The following CYP19A1 variants were observed in gnomAD, a reference collection of about 807,000 sequenced individuals.
CYP19A1 encodes aromatase.
Under a neutral mutation model 44.4 loss-of-function variants are expected in CYP19A1, and 32 were observed. The observed-to-expected ratio is 0.72, with a 90% CI of 0.54 to 0.97. CYP19A1 has a LOEUF of 0.97. Ranked by LOEUF, CYP19A1 falls within the 50% of genes least tolerant of loss-of-function variation. The probability of loss-of-function intolerance (pLI) is 0.00; values close to 1 mark genes in which losing one functional copy is unlikely to be tolerated. For synonymous variants in CYP19A1, 212 were observed against 215.6 expected (o/e 0.98, Z 0.14); for missense variants, 598 against 637.8 (o/e 0.94, Z 0.67).
At chr15:51,328,511 A>G (rs2036647930) in intron 1 of CYP19A1, among the ~76,000 whole-genome samples, 1 of 151,736 alleles carries the variant, frequency 6.6e-6, no homozygotes. Flanking sequence ...AATGGGTGGA[A>G]CCACCCTCAC....
intron 1 of CYP19A1, among the ~76,000 whole-genome samples, chr15:51,285,342 T>A (rs956396693): frequency 6.6e-6 from 1 of 152,210 alleles, no homozygotes; most frequent in Non-Finnish European, 1.5e-5. Context: ...CTAAGAACAA[T>A]GAAGTTGGAT....
chr15:51,235,963 A>G (rs28757176), intron 3 of CYP19A1, among the ~76,000 whole-genome samples: 5 of 152,250 alleles, frequency 3.3e-5, no homozygotes, highest in Admixed American at 3.3e-4. Context: ...GAAATACGCC[A>G]TCTTTGAAAT....
At chr15:51,284,604 G>A (rs1343108165) in intron 1 of CYP19A1, among the ~76,000 whole-genome samples, 1 of 152,164 alleles carries the variant, frequency 6.6e-6, no homozygotes, top group Non-Finnish European at 1.5e-5. Context: ...ATATCGACTT[G>A]GAGAAGGACC....
At chr15:51,248,318 T>C (rs887939315) in intron 1 of CYP19A1, among the ~76,000 whole-genome samples, 1 of 152,336 alleles carries the variant, frequency 6.6e-6, no homozygotes, top group Non-Finnish European at 1.5e-5. Flanking sequence ...CTGAACCAAC[T>C]GTCACAACCT....
chr15:51,267,022 A>C (rs1026814941), intron 1 of CYP19A1, among the ~76,000 whole-genome samples: 2 of 152,144 alleles, frequency 1.3e-5, no homozygotes, highest in African/African-American at 4.8e-5. Flanking sequence ...CCAGAAGAAA[A>C]TCTGAGGTGG....
At position 51,292,450 on chromosome 15, in the gene CYP19A1, C is replaced by T. The variant is rs117265614; in HGVS notation, c.-39+46045G>A. ...GCAATGGGATTGACCCAGCATGTGA[C>T]GACAAGGTGCCTTGTGGATCCCAAA... is the stretch of plus-strand genomic sequence containing the variant. On this transcript the variant is annotated intron_variant, in intron 1 of 9. Coordinates refer to ENST00000396402, the MANE Select transcript of CYP19A1 (RefSeq NM_000103.4). Among the ~76,000 whole-genome samples the T allele has an allele frequency of 4.0e-3, 606 of 152,318 alleles. 4 individuals are homozygous for T. The highest frequency in any genetic ancestry group is 5.5e-3 in the Non-Finnish European group (377 of 68,028).
chr15:51,304,571 G>A (rs8030862), intron 1 of CYP19A1, among the ~76,000 whole-genome samples: 23,446 of 152,098 alleles, frequency 0.15, 3,451 homozygotes, highest in African/African-American at 0.38. Context: ...TTTCCTTTAA[G>A]CTTTCTTCAT....
intron 1 of CYP19A1, among the ~76,000 whole-genome samples, chr15:51,278,484 T>C (rs2035405628): frequency 6.6e-6 from 1 of 152,218 alleles, no homozygotes; most frequent in South Asian, 2.1e-4. Context: ...CACACATAGA[T>C]ACCTGTCCCA....
chr15:51,240,437 G>C (rs1397888042), intron 2 of CYP19A1, among the ~76,000 whole-genome samples: 1 of 152,064 alleles, frequency 6.6e-6, no homozygotes, highest in Admixed American at 6.5e-5. Flanking sequence ...ACTCACTTAA[G>C]GGCTTTAAAT....
chr15:51,313,425 C>A (rs140447467), intron 1 of CYP19A1, among the ~76,000 whole-genome samples: 3 of 152,240 alleles, frequency 2.0e-5, no homozygotes, highest in African/African-American at 7.2e-5. Flanking sequence ...TGGCATGGAG[C>A]CTGCAGAAGG....
intron 1 of CYP19A1, among the ~76,000 whole-genome samples, chr15:51,271,763 C>A (rs2035135270): frequency 6.6e-6 from 1 of 152,206 alleles, no homozygotes; most frequent in Non-Finnish European, 1.5e-5. Context: ...TTGATTAGTC[C>A]AAGGATTTCC....
At chr15:51,323,435 A>T (rs1179746608) in intron 1 of CYP19A1, among the ~76,000 whole-genome samples, 1 of 152,194 alleles carries the variant, frequency 6.6e-6, no homozygotes, top group African/African-American at 2.4e-5. Flanking sequence ...ACGGAGATGG[A>T]ACTGTTTTAT....
At chr15:51,257,681 T>C (rs1430558604) in intron 1 of CYP19A1, among the ~76,000 whole-genome samples, 1 of 152,178 alleles carries the variant, frequency 6.6e-6, no homozygotes, top group East Asian at 1.9e-4. Context: ...CAGCGCTGCT[T>C]CCATTGCAAT....
intron 1 of CYP19A1, among the ~76,000 whole-genome samples, chr15:51,307,445 G>C (rs1348860090): frequency 3.3e-5 from 5 of 152,160 alleles, no homozygotes; most frequent in Non-Finnish European, 7.3e-5. Context: ...ATTTTAGTGT[G>C]CTTACTCTAA....
At chr15:51,315,314 A>G (rs554602429) in intron 1 of CYP19A1, among the ~76,000 whole-genome samples, 8 of 152,188 alleles carry the variant, frequency 5.3e-5, no homozygotes, top group South Asian at 2.1e-4. Context: ...CAGACCCCTC[A>G]TGGTGCATGC....
At chr15:51,274,003 TCACACACA>T (rs34082137) in intron 1 of CYP19A1, among the ~76,000 whole-genome samples, 10 of 149,880 alleles carry the variant, frequency 6.7e-5, no homozygotes, top group Non-Finnish European at 1.2e-4. Flanking sequence ...TGAAATTTTG[TCACACACA>T]CACACACACA....
At chr15:51,269,877 C>T (rs1021976779) in intron 1 of CYP19A1, among the ~76,000 whole-genome samples, 7 of 152,186 alleles carry the variant, frequency 4.6e-5, no homozygotes, top group Non-Finnish European at 8.8e-5. Flanking sequence ...GGCCTACTCC[C>T]GCTCCCTCCC....
At chr15:51,246,614 T>C (rs1455049557) in intron 1 of CYP19A1, among the ~76,000 whole-genome samples, 1 of 152,176 alleles carries the variant, frequency 6.6e-6, no homozygotes, top group African/African-American at 2.4e-5. Context: ...GGTGTCCTGA[T>C]GACCTGGGGG....
intron 1 of CYP19A1, among the ~76,000 whole-genome samples, chr15:51,274,556 A>G (rs1316147059): frequency 6.6e-6 from 1 of 152,208 alleles, no homozygotes; most frequent in East Asian, 1.9e-4. Context: ...ATCTGCCTAC[A>G]AATACCATCA....
Sources: allele counts gnomAD v4.1 joint callset (sites outside exome capture counted in the v4.1 genomes callset), GRCh38; gene constraint gnomAD v4.1.1; transcripts MANE v1.5; gene names NCBI Gene and HGNC (gene_info 2026-07-23, HGNC 2026-07-21).